PFKFB3: variants seen among roughly 807,000 people sequenced by gnomAD.
PFKFB3 encodes the protein 6-phosphofructo-2-kinase/fructose-2,6-biphosphatase 3, also known as 6-phosphofructo-2-kinase/fructose-2,6-bisphosphatase 3.
PFKFB3 carries 33 observed loss-of-function variants against 68.0 expected under a neutral mutation model. The ratio of observed to expected loss-of-function variants is 0.49; its 90% CI spans 0.37 to 0.65. The LOEUF (loss-of-function observed/expected upper bound fraction) is 0.65, where lower values mean the gene tolerates loss of function less well. PFKFB3 is among the 30% of genes least tolerant of loss of function. The probability of loss-of-function intolerance (pLI) is 0.00; values close to 1 mark genes in which losing one functional copy is unlikely to be tolerated. For synonymous variants in PFKFB3, 315 were observed against 288.2 expected, an observed-to-expected ratio of 1.09 and a Z score of -0.94; for missense variants, 586 against 712.2, an observed-to-expected ratio of 0.82 and a Z score of 2.02.
downstream of PFKFB3, among the ~76,000 whole-genome samples, chr10:6,254,858 C>G (rs1479742013): frequency 8.5e-6 from 1 of 117,834 alleles, no homozygotes; most frequent in Non-Finnish European, 1.6e-5. Context: ...CGCTCTGTCA[C>G]CCAGGCTGGA....
intron 14 of PFKFB3, among the ~76,000 whole-genome samples, chr10:6,241,350 T>C (rs2132073949): frequency 6.6e-6 from 1 of 152,354 alleles, no homozygotes; most frequent in East Asian, 1.9e-4. Flanking sequence ...CAGGACTTCC[T>C]TCTGGGGATG....
Position 6,229,129 on chromosome 10 carries a change from G to T in PFKFB3, c.1515+2764G>T. 1 of 521,904 alleles carries T rather than the reference G, an allele frequency of 1.9e-6. No homozygotes were observed. The highest frequency in any genetic ancestry group is 3.9e-6 in the Non-Finnish European group (1 of 254,778). The allele number at this position is 521,904 out of a possible 1,614,324, so 32.3% of individuals were successfully genotyped here. A position where few individuals can be genotyped will look rare whatever the true frequency, so the allele number is the denominator to read the frequency against. ...TGCAGAAACTGGAAAGGTGTGATGA[G>T]GAATGCAGCCTGAGATGCTGAAAAG... is the stretch of plus-strand genomic sequence containing the variant. On this transcript the variant is annotated intron_variant, in intron 14 of 14. Coordinates refer to ENST00000379775, the MANE Select transcript of PFKFB3 (RefSeq NM_004566.4). This position sits in a 1 kb window ranked among gnomAD's most constrained non-coding sequence, Gnocchi z 4.3.
At chr10:6,252,628 A>C (rs1178271508) in intron 14 of PFKFB3, among the ~76,000 whole-genome samples, 1 of 152,250 alleles carries the variant, frequency 6.6e-6, no homozygotes, top group Non-Finnish European at 1.5e-5. Context: ...AATGGCCATC[A>C]ATATGGAATT....
chr10:6,317,056 T>C, the PFKFB3 span, among the ~76,000 whole-genome samples: 2 of 152,076 alleles, frequency 1.3e-5, no homozygotes, highest in Admixed American at 1.3e-4. Context: ...AAAACAACCA[T>C]ACATGGAAGC....
At chr10:6,153,567 G>A (rs1841665707) in intron 1 of PFKFB3, among the ~76,000 whole-genome samples, 1 of 152,042 alleles carries the variant, frequency 6.6e-6, no homozygotes, top group Non-Finnish European at 1.5e-5. Context: ...AAGAGGAGGG[G>A]GAGGGGCTGG....
At chr10:6,148,446 G>A (rs1051248116) in intron 1 of PFKFB3, among the ~76,000 whole-genome samples, 1 of 152,218 alleles carries the variant, frequency 6.6e-6, no homozygotes, top group African/African-American at 2.4e-5. Context: ...TATGCTCAGC[G>A]TGAGGCTGGA....
At chr10:6,186,006 A>T (rs1262508184) in intron 1 of PFKFB3, among the ~76,000 whole-genome samples, 1 of 152,064 alleles carries the variant, frequency 6.6e-6, no homozygotes, top group Admixed American at 6.6e-5. Context: ...GATAGGGAAG[A>T]GCAGGAACCT....
At chr10:6,291,945 G>GTTTT in the PFKFB3 span, among the ~76,000 whole-genome samples, 13 of 94,348 alleles carry the variant, frequency 1.4e-4, no homozygotes, top group East Asian at 3.5e-4. Flanking sequence ...GAAACCAGTG[G>GTTTT]TTTTTTTTTT....
At chr10:6,179,310 C>G (rs990523612) in intron 1 of PFKFB3, among the ~76,000 whole-genome samples, 1 of 152,178 alleles carries the variant, frequency 6.6e-6, no homozygotes. Flanking sequence ...AGGGCGAAGC[C>G]GACAAGAGCC....
chr10:6,204,428 T>C (rs1222106815), intron 1 of PFKFB3, among the ~76,000 whole-genome samples: 1 of 152,224 alleles, frequency 6.6e-6, no homozygotes, highest in Admixed American at 6.5e-5. Flanking sequence ...ACTACGTTTC[T>C]TAGGACGGCC....
At chr10:6,147,669 T>G (rs1445232268) in intron 1 of PFKFB3, among the ~76,000 whole-genome samples, 1 of 152,220 alleles carries the variant, frequency 6.6e-6, no homozygotes, top group East Asian at 1.9e-4. Context: ...GTGTGTAGCC[T>G]GCAGAGAGGG....
the PFKFB3 span, among the ~76,000 whole-genome samples, chr10:6,292,648 A>C: frequency 6.8e-4 from 104 of 152,192 alleles, 1 homozygote; most frequent in African/African-American, 2.2e-3. Flanking sequence ...AAAAAAAAAA[A>C]AACTATCAAG....
intron 1 of PFKFB3, chr10:6,146,596 A>G: frequency 8.4e-7 from 1 of 1,196,200 alleles, no homozygotes; most frequent in Non-Finnish European, 1.2e-6. Flanking sequence ...TTTATCTCTG[A>G]CTTCATCGCT....
At chr10:6,227,230 C>T (rs1287280126) in intron 14 of PFKFB3, among the ~76,000 whole-genome samples, 6 of 152,188 alleles carry the variant, frequency 3.9e-5, no homozygotes, top group African/African-American at 1.4e-4. Context: ...TTTTCCTTTA[C>T]AGCCTGGAAC....
chr10:6,169,217 C>T (rs556484901), intron 1 of PFKFB3, among the ~76,000 whole-genome samples: 1 of 152,328 alleles, frequency 6.6e-6, no homozygotes, highest in Non-Finnish European at 1.5e-5. Context: ...GCTGGGATTA[C>T]AGGCGTGAGC....
chr10:6,154,494 C>T lies in PFKFB3; in HGVS notation c.16+9481C>T, dbSNP rs905678780. 3.9e-5 allele frequency among the ~76,000 whole-genome samples: 6 copies of T among 152,130 alleles called. No individual in the cohort carries two copies. The highest frequency in any genetic ancestry group is 2.1e-4 in the South Asian group (1 of 4,832). Reference sequence around the variant, plus strand: ...AACTCCTGAGTTCAAGTGATTTGCCCGCCTCGGCCTTCCAAAGTGCTGGGA... The same window carrying T: ...AACTCCTGAGTTCAAGTGATTTGCCTGCCTCGGCCTTCCAAAGTGCTGGGA... On this transcript the variant is annotated intron_variant, in intron 1 of 14. Transcript: ENST00000379789. The surrounding 1 kb of genome is among the most constrained non-coding windows in gnomAD (Gnocchi z 4.6).
At chr10:6,277,048 T>A in the PFKFB3 span, among the ~76,000 whole-genome samples, 240 of 152,196 alleles carry the variant, frequency 1.6e-3, no homozygotes, top group Middle Eastern at 3.4e-3. Context: ...CCCATTGCTG[T>A]AATTTTGTCA....
intron 14 of PFKFB3, among the ~76,000 whole-genome samples, chr10:6,247,394 CA>C (rs141687993): frequency 0.023 from 3,478 of 152,308 alleles, 149 homozygotes; most frequent in African/African-American, 0.079. Context: ...AGGACTCTAA[CA>C]ATTAGCCTTC....
At chr10:6,251,951 G>C (rs1846390562) in intron 14 of PFKFB3, among the ~76,000 whole-genome samples, 1 of 152,172 alleles carries the variant, frequency 6.6e-6, no homozygotes, top group Non-Finnish European at 1.5e-5. Flanking sequence ...CTGGGTGACA[G>C]AGTGAGACTC....
Sources: gnomAD v4.1 joint callset for allele counts (sites outside exome capture counted in the v4.1 genomes callset) on GRCh38, gnomAD v4.1.1 for gene constraint, Gnocchi (gnomAD v3.1) non-coding constraint, MANE v1.5 for transcripts, NCBI Gene and HGNC (gene_info 2026-07-23, HGNC 2026-07-21) for gene names.